The following EEFSEC variants were observed in gnomAD, a reference collection of about 807,000 sequenced individuals.
EEFSEC encodes eukaryotic elongation factor, selenocysteine-tRNA specific, also known as selenocysteine-specific elongation factor.
EEFSEC carries 43 observed loss-of-function variants against 42.1 expected under a neutral mutation model. That is an observed-to-expected ratio of 1.02 (90% CI 0.80 to 1.32). EEFSEC has a LOEUF of 1.32. EEFSEC is among the 40% of genes most tolerant of loss of function. EEFSEC has a pLI of 0.00. For synonymous variants in EEFSEC, 354 were observed against 339.1 expected, an observed-to-expected ratio of 1.04 and a Z score of -0.48; for missense variants, 745 against 803.6, an observed-to-expected ratio of 0.93 and a Z score of 0.88.
At position 128,262,157 on chromosome 3, in the gene EEFSEC, C is replaced by T. The variant is rs377582079; in HGVS notation, c.554C>T (p.Ala185Val). The part of the protein sequence containing the change: ...KFRGAPIIPV[A>V]AKPGGPEAPE... Reference sequence around the variant, plus strand: ...CGAGGTGCACCGATTATACCCGTGGCGGCCAAGCCGGGGGGACCAGAGGCC... The same window carrying T: ...CGAGGTGCACCGATTATACCCGTGGTGGCCAAGCCGGGGGGACCAGAGGCC... Residue 185 changes from alanine to valine, a missense_variant, in exon 3 of 7, where the codon GCG (alanine) becomes GTG (valine). Coordinates refer to ENST00000254730, the MANE Select transcript of EEFSEC (RefSeq NM_021937.5). 7.6e-4 allele frequency: 1,222 copies of T among 1,614,102 alleles called. 15 individuals carry two copies. The South Asian group carries it at 0.012, about 16-fold the overall frequency.
At chr3:128,242,147 C>A (rs1311523301) in intron 1 of EEFSEC, among the ~76,000 whole-genome samples, 1 of 151,736 alleles carries the variant, frequency 6.6e-6, no homozygotes, top group African/African-American at 2.4e-5. Context: ...CAAGACTCCA[C>A]CTCTACAAAA....
intron 6 of EEFSEC, among the ~76,000 whole-genome samples, chr3:128,401,330 A>G (rs559794629): frequency 2.6e-5 from 4 of 152,330 alleles, no homozygotes; most frequent in South Asian, 4.1e-4. Flanking sequence ...GGATGAATCC[A>G]TACTCATTCC....
chr3:128,274,785 C>T (rs1419933590), intron 4 of EEFSEC, among the ~76,000 whole-genome samples: 2 of 152,196 alleles, frequency 1.3e-5, no homozygotes, highest in African/African-American at 2.4e-5. Context: ...CAGGCATAAA[C>T]GGCCAGCTGT....
chr3:128,242,503 A>G (rs2107890013), intron 1 of EEFSEC, among the ~76,000 whole-genome samples: 1 of 152,258 alleles, frequency 6.6e-6, no homozygotes, highest in South Asian at 2.1e-4. Flanking sequence ...ACTTTTTTAA[A>G]AAAAAATCTG....
intron 4 of EEFSEC, among the ~76,000 whole-genome samples, chr3:128,302,082 A>C (rs942594595): frequency 6.6e-6 from 1 of 152,152 alleles, no homozygotes; most frequent in Non-Finnish European, 1.5e-5. Context: ...GTCAAAATTA[A>C]ATCATTTTCC....
At chr3:128,373,644 C>G (rs904716095) in intron 6 of EEFSEC, among the ~76,000 whole-genome samples, 1 of 152,186 alleles carries the variant, frequency 6.6e-6, no homozygotes, top group Non-Finnish European at 1.5e-5. Context: ...ACGTGCATGT[C>G]CAGGGAGCTC....
intron 4 of EEFSEC, among the ~76,000 whole-genome samples, chr3:128,310,470 C>T (rs2066877703): frequency 6.6e-6 from 1 of 152,182 alleles, no homozygotes; most frequent in African/African-American, 2.4e-5. Context: ...CTCTTAGCAA[C>T]CTCGTGCCAG....
intron 1 of EEFSEC, among the ~76,000 whole-genome samples, chr3:128,198,054 C>T (rs997875015): frequency 3.9e-5 from 6 of 152,080 alleles, no homozygotes; most frequent in East Asian, 1.9e-4. Flanking sequence ...CTCAGGGATA[C>T]GTGGGTCCAA....
chr3:128,342,985 G>A (rs1384677352), intron 5 of EEFSEC, among the ~76,000 whole-genome samples: 2 of 152,264 alleles, frequency 1.3e-5, no homozygotes, highest in Non-Finnish European at 2.9e-5. Flanking sequence ...AGCAGCAGCT[G>A]TACTGGGACA....
chr3:128,290,628 A>G (rs974590727), intron 4 of EEFSEC, among the ~76,000 whole-genome samples: 2 of 152,122 alleles, frequency 1.3e-5, no homozygotes, highest in Non-Finnish European at 2.9e-5. Context: ...TGTAGATCAC[A>G]ACTGGGAACA....
chr3:128,175,407 CCTA>C (rs1480348523), intron 1 of EEFSEC, among the ~76,000 whole-genome samples: 5 of 152,318 alleles, frequency 3.3e-5, no homozygotes, highest in Admixed American at 1.3e-4. Flanking sequence ...GTGCAGCAGT[CCTA>C]CTGCTGTGCA....
intron 4 of EEFSEC, among the ~76,000 whole-genome samples, chr3:128,291,115 AT>A (rs564220179): frequency 6.7e-5 from 10 of 148,712 alleles, no homozygotes; most frequent in East Asian, 2.0e-4. Context: ...ATTTCTAAGT[AT>A]TTTTTTTTTA....
At chr3:128,209,093 G>A (rs535467152) in intron 1 of EEFSEC, among the ~76,000 whole-genome samples, 1 of 152,206 alleles carries the variant, frequency 6.6e-6, no homozygotes, top group African/African-American at 2.4e-5. Context: ...AGCATACTTT[G>A]TAGAACATGT....
intron 4 of EEFSEC, among the ~76,000 whole-genome samples, chr3:128,275,156 C>T (rs1428236977): frequency 1.3e-5 from 2 of 152,176 alleles, no homozygotes; most frequent in Admixed American, 1.3e-4. Flanking sequence ...GACCTCGATA[C>T]TGGGGCCCAA....
chr3:128,361,630 T>C (rs1275400957), intron 6 of EEFSEC, among the ~76,000 whole-genome samples: 2 of 152,210 alleles, frequency 1.3e-5, no homozygotes, highest in Non-Finnish European at 2.9e-5. Context: ...ACTCCCAGAA[T>C]GTGCTGTGGG....
intron 4 of EEFSEC, among the ~76,000 whole-genome samples, chr3:128,325,732 T>C (rs1285076792): frequency 5.9e-5 from 9 of 152,230 alleles, no homozygotes; most frequent in Non-Finnish European, 1.3e-4. Flanking sequence ...TTAACTATAG[T>C]TAAGACTGTA....
chr3:128,274,796 G>A (rs934863650), intron 4 of EEFSEC, among the ~76,000 whole-genome samples: 6 of 152,200 alleles, frequency 3.9e-5, no homozygotes, highest in African/African-American at 1.2e-4. Flanking sequence ...GGCCAGCTGT[G>A]TGACTGGGGC....
chr3:128,213,977 A>G (rs757846676), intron 1 of EEFSEC, among the ~76,000 whole-genome samples: 3 of 152,216 alleles, frequency 2.0e-5, no homozygotes, highest in Admixed American at 6.5e-5. Context: ...AAAGACAACA[A>G]ATCTGGAAGA....
chr3:128,287,811 A>G (rs1486257297), intron 4 of EEFSEC, among the ~76,000 whole-genome samples: 1 of 152,254 alleles, frequency 6.6e-6, no homozygotes, highest in Non-Finnish European at 1.5e-5. Context: ...TATGTAAAAG[A>G]TGTATAGTTC....
Sources: gnomAD v4.1 joint callset for allele counts (sites outside exome capture counted in the v4.1 genomes callset) on GRCh38, gnomAD v4.1.1 for gene constraint, MANE v1.5 for transcripts, NCBI Gene and HGNC (gene_info 2026-07-23, HGNC 2026-07-21) for gene names.